The following NFIL3 variants were observed in gnomAD, a reference collection of about 807,000 sequenced individuals.
NFIL3 encodes nuclear factor interleukin-3-regulated protein.
In NFIL3, 5 loss-of-function variants were observed where a neutral mutation model predicts 10.0. The observed-to-expected ratio is 0.50, with a 90% CI of 0.26 to 1.06. The LOEUF (loss-of-function observed/expected upper bound fraction) is 1.06, where lower values mean the gene tolerates loss of function less well. NFIL3 is among the 50% of genes least tolerant of loss of function. NFIL3 has a pLI of 0.13. For synonymous variants in NFIL3, 202 were observed against 206.5 expected (o/e 0.98, Z 0.19); for missense variants, 436 against 547.6 (o/e 0.80, Z 2.03).
At chr9:91,469,334 C>G in the NFIL3 span, among the ~76,000 whole-genome samples, 1 of 152,106 alleles carries the variant, frequency 6.6e-6, no homozygotes, top group Non-Finnish European at 1.5e-5. Context: ...CTCTGTTTGT[C>G]TGTTATTGGT....
At chr9:91,436,908 G>C in the NFIL3 span, among the ~76,000 whole-genome samples, 1 of 152,194 alleles carries the variant, frequency 6.6e-6, no homozygotes, top group East Asian at 1.9e-4. Flanking sequence ...AGCAGGGACC[G>C]GTTTCGTGGA....
rs1833487233 is a variant in NFIL3, at chr9:91,409,167, G to A, written c.*179C>T. 1 of 598,144 alleles carries A rather than the reference G, an allele frequency of 1.7e-6. No homozygotes were observed. The highest frequency in any genetic ancestry group is 2.8e-6 in the Non-Finnish European group (1 of 351,704). 37.1% of individuals were successfully genotyped at this position (598,144 alleles called of 1,614,324 possible). A position where few individuals can be genotyped will look rare whatever the true frequency, so the allele number is the denominator to read the frequency against. ...GACTATCTGACTATACACAGGCAGA[G>A]TGATAACACAATCTAATCTTCATCA... On this transcript the variant is annotated 3_prime_UTR_variant, in exon 2 of 2. Transcript: ENST00000297689.
chr9:91,441,634 G>T, the NFIL3 span, among the ~76,000 whole-genome samples: 1 of 151,952 alleles, frequency 6.6e-6, no homozygotes, highest in South Asian at 2.1e-4. Context: ...GCTAAGCTTT[G>T]ATTCTTTCTC....
the NFIL3 span, among the ~76,000 whole-genome samples, chr9:91,454,207 C>A: frequency 4.1e-5 from 6 of 144,652 alleles, no homozygotes; most frequent in Non-Finnish European, 9.0e-5. Context: ...ACACTCCAGT[C>A]TGGGAGACAG....
chr9:91,471,150 A>C, the NFIL3 span, among the ~76,000 whole-genome samples: 2 of 152,096 alleles, frequency 1.3e-5, no homozygotes, highest in Non-Finnish European at 2.9e-5. Flanking sequence ...ATTGTGTGGA[A>C]GTCTAAGTCT....
upstream of NFIL3, among the ~76,000 whole-genome samples, chr9:91,425,808 T>C (rs1833866928): frequency 6.6e-6 from 1 of 152,208 alleles, no homozygotes; most frequent in African/African-American, 2.4e-5. Flanking sequence ...AGTTTCCTTT[T>C]TGCCCAAACC....
chr9:91,434,242 T>C, the NFIL3 span, among the ~76,000 whole-genome samples: 1 of 152,156 alleles, frequency 6.6e-6, no homozygotes, highest in Admixed American at 6.5e-5. Flanking sequence ...CAGGCTCTCA[T>C]GAGTGCTTCT....
rs748298725 is a variant in NFIL3 at position 91,410,261 on chromosome 9, A to G, written c.474T>C (p.Asn158=). ...CGTGCTCGTCCACAAATGAACTCAC[A>G]TTGGATTTGGAAGTCTGGTAATCTT... is the stretch of plus-strand genomic sequence containing the variant. ...YFQDYQTSKS[N]VSSFVDEHEP... is the part of the protein sequence containing the mutation. Residue 158 remains asparagine (N), a synonymous_variant, in exon 2 of 2, where the codon AAT becomes AAC. Transcript: ENST00000297689. This position sits in a 1 kb window ranked among gnomAD's most constrained non-coding sequence, Gnocchi z 5.7. 8.7e-6 allele frequency: 14 copies of G among 1,614,070 alleles called. No individual in the cohort carries two copies. The highest frequency in any genetic ancestry group is 1.2e-5 in the Non-Finnish European group (14 of 1,180,038).
chr9:91,476,069 A>G, the NFIL3 span, among the ~76,000 whole-genome samples: 10 of 152,326 alleles, frequency 6.6e-5, no homozygotes, highest in Non-Finnish European at 1.2e-4. Flanking sequence ...AGACTTGCAC[A>G]AGTAAATTCT....
chr9:91,450,122 G>A, the NFIL3 span, among the ~76,000 whole-genome samples: 2 of 151,904 alleles, frequency 1.3e-5, no homozygotes, highest in African/African-American at 2.4e-5. Flanking sequence ...GCTAAATTTT[G>A]TTAATTTTGT....
At chr9:91,468,582 T>A in the NFIL3 span, among the ~76,000 whole-genome samples, 2 of 152,240 alleles carry the variant, frequency 1.3e-5, no homozygotes, top group African/African-American at 4.8e-5. Flanking sequence ...TTGCCATTGC[T>A]CTTGGTGTTT....
intron 1 of NFIL3, among the ~76,000 whole-genome samples, chr9:91,415,424 T>C (rs1001455455): frequency 1.2e-4 from 18 of 152,166 alleles, no homozygotes; most frequent in African/African-American, 4.3e-4. Context: ...CAGTGTCACA[T>C]AGCTAAATGG....
chr9:91,422,877 A>G (rs548223460), intron 1 of NFIL3, among the ~76,000 whole-genome samples: 45 of 152,358 alleles, frequency 3.0e-4, no homozygotes, highest in African/African-American at 1.0e-3. Context: ...GGGACGTAAT[A>G]TAGACGTAAA....
the NFIL3 span, among the ~76,000 whole-genome samples, chr9:91,432,600 T>C: frequency 0.088 from 13,381 of 152,228 alleles, 869 homozygotes; most frequent in African/African-American, 0.17. Context: ...TCTTATCTTT[T>C]GCAGTATTAT....
the NFIL3 span, among the ~76,000 whole-genome samples, chr9:91,445,708 C>T: frequency 6.6e-6 from 1 of 152,080 alleles, no homozygotes; most frequent in Non-Finnish European, 1.5e-5. Flanking sequence ...GAAAGCAGGG[C>T]ACTACCTCAG....
At chr9:91,469,286 G>A in the NFIL3 span, among the ~76,000 whole-genome samples, 1 of 152,008 alleles carries the variant, frequency 6.6e-6, no homozygotes, top group Non-Finnish European at 1.5e-5. Flanking sequence ...TATTCTCTTT[G>A]AAGCAATTGT....
At chr9:91,473,302 G>GC in the NFIL3 span, among the ~76,000 whole-genome samples, 2 of 152,230 alleles carry the variant, frequency 1.3e-5, no homozygotes, top group South Asian at 2.1e-4. Context: ...GCTATGCCCT[G>GC]CCCCCAGAGG....
rs114382171 is a variant in NFIL3, at chr9:91,412,469, A to G, written c.-172-1563T>C. ...TCTCTGCCTAATGTTCCAGTCAGTA[A>G]TATTTTTCGTTAAATAGACATGGTA... On this transcript the variant is annotated intron_variant, in intron 1 of 1. Coordinates refer to ENST00000297689, the MANE Select transcript of NFIL3 (RefSeq NM_005384.3). Among the ~76,000 whole-genome samples, 385 of 152,232 alleles carry G rather than the reference A, an allele frequency of 2.5e-3. 1 individual carries two copies. Among genetic ancestry groups the G allele is most frequent in the African/African-American group, 8.9e-3 (369 of 41,540 alleles).
the NFIL3 span, among the ~76,000 whole-genome samples, chr9:91,477,846 C>T: frequency 6.6e-6 from 1 of 151,902 alleles, no homozygotes; most frequent in Non-Finnish European, 1.5e-5. Flanking sequence ...TTTTTAATTA[C>T]ACTCTGAGTT....
Sources: allele counts gnomAD v4.1 joint callset (sites outside exome capture counted in the v4.1 genomes callset), GRCh38; gene constraint gnomAD v4.1.1; non-coding constraint Gnocchi (gnomAD v3.1); transcripts MANE v1.5; gene names NCBI Gene and HGNC (gene_info 2026-07-23, HGNC 2026-07-21).